The following ZIC1 variants were observed in gnomAD, a reference collection of about 807,000 sequenced individuals.
ZIC1 encodes zinc finger protein ZIC 1.
A neutral mutation model predicts 30.9 loss-of-function variants in ZIC1; 4 were observed. That is an observed-to-expected ratio of 0.13 (90% CI 0.06 to 0.30). The LOEUF is 0.30. ZIC1 is among the 10% of genes least tolerant of loss of function. The pLI is 1.00. For synonymous variants in ZIC1, 305 were observed against 277.5 expected (o/e 1.10, Z -0.98); for missense variants, 441 against 639.3 (o/e 0.69, Z 3.34).
In ZIC1 at chr3:147,410,011, CTTCCTCCTCCTCTTG is replaced by C. The variant is rs992748146; in HGVS notation, c.-89_-75del. On this transcript the variant is annotated 5_prime_UTR_variant, in exon 1 of 3. Coordinates refer to ENST00000282928, the MANE Select transcript of ZIC1 (RefSeq NM_003412.4). ...CCTCCCTCCTCCTCTTCTTCCTCCT[CTTCCTCCTCCTCTTG>C]TTCCTCCTCCTCCTCCCGATTTTCC... 1.4e-4 allele frequency: 181 copies of C among 1,276,890 alleles called. No individual in the cohort carries two copies. Among genetic ancestry groups the C allele is most frequent in the Non-Finnish European group, 1.8e-4 (172 of 967,680 alleles). 79.1% of individuals were successfully genotyped at this position (1,276,890 alleles called of 1,614,324 possible).
At position 147,414,916 on chromosome 3, in the gene ZIC1, A is replaced by G. The variant is rs772576101; in HGVS notation, c.*1365A>G. 6.6e-6 allele frequency: 1 copy of G among 152,664 alleles called. No homozygotes were observed. The highest frequency in any genetic ancestry group is 2.4e-5 in the African/African-American group (1 of 41,460). 9.5% of individuals were successfully genotyped at this position (152,664 alleles called of 1,614,324 possible). Reference sequence around the variant, plus strand: ...GCTCGCTCTGCAACATTGCAAATGAACTTGCAGCCGAGGGTTCCGCTGCCC... The same window carrying G: ...GCTCGCTCTGCAACATTGCAAATGAGCTTGCAGCCGAGGGTTCCGCTGCCC... On this transcript the variant is annotated 3_prime_UTR_variant, in exon 3 of 3. Transcript: ENST00000282928.
chr3:147,413,973 T>C lies in ZIC1; in HGVS notation c.*422T>C, dbSNP rs1349350323. 1 of 131,102 alleles carries C rather than the reference T, an allele frequency of 7.6e-6. No individual in the cohort carries two copies. Among genetic ancestry groups the C allele is most frequent in the African/African-American group, 2.9e-5 (1 of 34,790 alleles). 8.1% of individuals were successfully genotyped at this position (131,102 alleles called of 1,614,324 possible). A position where few individuals can be genotyped will look rare whatever the true frequency, so the allele number is the denominator to read the frequency against. ...ATTCTGTAAATAGTTATATCTCGGTTGGAGCGGGTGGGTGGGATTGTGGCG... is the reference window on the plus strand; with the variant it reads ...ATTCTGTAAATAGTTATATCTCGGTCGGAGCGGGTGGGTGGGATTGTGGCG... On this transcript the variant is annotated 3_prime_UTR_variant, in exon 3 of 3. Coordinates refer to ENST00000282928, the MANE Select transcript of ZIC1 (RefSeq NM_003412.4).
chr3:147,412,775 G>C, intron 2 of ZIC1, 94 bp downstream of exon 2: 3 of 1,476,844 alleles, frequency 2.0e-6, no homozygotes, highest in Non-Finnish European at 2.8e-6. Context: ...GGCGGTGGCG[G>C]GAGCCAGAGG....
In ZIC1 at chr3:147,413,602, A is replaced by T; in HGVS notation, c.*51A>T. On this transcript the variant is annotated 3_prime_UTR_variant, in exon 3 of 3. Coordinates refer to ENST00000282928, the MANE Select transcript of ZIC1 (RefSeq NM_003412.4). ...ACCCTATTTAAGAGACTGATCACAC[A>T]CGTATACACAACATTACTGAAAGAA... The T allele has an allele frequency of 1.3e-6, 2 of 1,588,536 alleles. No homozygotes were observed. Among genetic ancestry groups the T allele is most frequent in the Non-Finnish European group, 1.7e-6 (2 of 1,162,224 alleles).
At chr3:147,412,739 T>G in intron 2 of ZIC1, 58 bp downstream of exon 2, 1 of 1,575,066 alleles carries the variant, frequency 6.3e-7, no homozygotes, top group Non-Finnish European at 8.6e-7. Context: ...GCTCTCGGCT[T>G]GGGGTCGGGC....
intron 1 of ZIC1, 105 bp downstream of exon 1, chr3:147,411,199 G>T: frequency 6.8e-7 from 1 of 1,474,174 alleles, no homozygotes. Context: ...TGGGATCCCG[G>T]GCGTCAGGTT....
chr3:147,412,255 A>G (rs1293334473), intron 1 of ZIC1, among the ~76,000 whole-genome samples: 1 of 152,096 alleles, frequency 6.6e-6, no homozygotes. Flanking sequence ...GATGCTAAAA[A>G]CCGACTCCTC....
rs542658760 is a variant in ZIC1 at position 147,414,462 on chromosome 3, C to G, written c.*911C>G. ...GTAAAGGGCCGGTTTATCCATGTTA[C>G]AGCTCTTCAATATTTATGGCTAGAA... is the stretch of plus-strand genomic sequence containing the variant. On this transcript the variant is annotated 3_prime_UTR_variant, in exon 3 of 3. Transcript: ENST00000282928. 4.6e-5 allele frequency: 7 copies of G among 152,766 alleles called. No homozygotes were observed. The highest frequency in any genetic ancestry group is 1.7e-4 in the African/African-American group (7 of 41,568). The allele number at this position is 152,766 out of a possible 1,614,324, so 9.5% of individuals were successfully genotyped here. A position where few individuals can be genotyped will look rare whatever the true frequency, so the allele number is the denominator to read the frequency against.
At position 147,416,550 on chromosome 3, in the gene ZIC1, A is replaced by C. The variant is rs2087436588; in HGVS notation, c.*2999A>C. The C allele has an allele frequency of 6.6e-6, 1 of 152,196 alleles. No homozygotes were observed. The highest frequency in any genetic ancestry group is 2.4e-5 in the African/African-American group (1 of 41,442). 9.4% of individuals were successfully genotyped at this position (152,196 alleles called of 1,614,324 possible). Reference sequence around the variant, plus strand: ...GATTTAAGTAGGATATTTTAAAGATAAATTTTAGGGGTAAATGTTTACTTC... The same window carrying C: ...GATTTAAGTAGGATATTTTAAAGATCAATTTTAGGGGTAAATGTTTACTTC... On this transcript the variant is annotated 3_prime_UTR_variant, in exon 3 of 3. Coordinates refer to ENST00000282928, the MANE Select transcript of ZIC1 (RefSeq NM_003412.4).
rs1198558691 is a variant in ZIC1 at position 147,415,549 on chromosome 3, C to T, written c.*1998C>T. 1 of 152,646 alleles carries T rather than the reference C, an allele frequency of 6.6e-6. No homozygotes were observed. The highest frequency in any genetic ancestry group is 1.5e-5 in the Non-Finnish European group (1 of 68,054). The allele number at this position is 152,646 out of a possible 1,614,324, so 9.5% of individuals were successfully genotyped here. On this transcript the variant is annotated 3_prime_UTR_variant, in exon 3 of 3. Transcript: ENST00000282928. ...TTAGGCAGACAACGTAGCCGGAGAT[C>T]ACAAATCAGGCCCTTGGCTGTAGTT...
intron 1 of ZIC1, among the ~76,000 whole-genome samples, chr3:147,411,838 A>G (rs1413094633): frequency 6.6e-6 from 1 of 152,106 alleles, no homozygotes; most frequent in Non-Finnish European, 1.5e-5. Context: ...TAAAAAAAAA[A>G]AAAGTTCCCA....
chr3:147,413,650 C>A lies in ZIC1; in HGVS notation c.*99C>A. 1.5e-6 allele frequency: 2 copies of A among 1,356,432 alleles called. No homozygotes were observed. Among genetic ancestry groups the A allele is most frequent in the Middle Eastern group, 3.8e-4 (2 of 5,268 alleles). The allele number at this position is 1,356,432 out of a possible 1,614,324, so 84.0% of individuals were successfully genotyped here. A position where few individuals can be genotyped will look rare whatever the true frequency, so the allele number is the denominator to read the frequency against. ...GAACCCTGCGAATCAAAACAACCCC[C>A]ACACAGACCCCGCAATCCTTTTTTA... On this transcript the variant is annotated 3_prime_UTR_variant, in exon 3 of 3. Coordinates refer to ENST00000282928, the MANE Select transcript of ZIC1 (RefSeq NM_003412.4).
At chr3:147,412,805 C>A in intron 2 of ZIC1, 124 bp downstream of exon 2, 2 of 1,247,302 alleles carry the variant, frequency 1.6e-6, no homozygotes, top group African/African-American at 1.5e-5. Flanking sequence ...GGCAAAGGTT[C>A]CACTCAGTGG....
rs1235337455 is a variant in ZIC1, at chr3:147,415,983, A to AT, written c.*2434dup. ...TAACTTTTTAAAAAATGTTATTCTG[A>AT]TTATAACAATAATATTGGCTTTTTT... On this transcript the variant is annotated 3_prime_UTR_variant, in exon 3 of 3. Transcript: ENST00000282928. 1 of 152,200 alleles carries AT rather than the reference A, an allele frequency of 6.6e-6. No homozygotes were observed. The highest frequency in any genetic ancestry group is 1.5e-5 in the Non-Finnish European group (1 of 68,034). 9.4% of individuals were successfully genotyped at this position (152,200 alleles called of 1,614,324 possible). A position where few individuals can be genotyped will look rare whatever the true frequency, so the allele number is the denominator to read the frequency against.
rs955071346 is a variant in ZIC1, at chr3:147,412,459, G to T, written c.983-59G>T. 4 of 1,589,656 alleles carry T rather than the reference G, an allele frequency of 2.5e-6. No individual in the cohort carries two copies. The African/African-American group carries it at 5.5e-5, about 22-fold the overall frequency. Reference sequence around the variant, plus strand: ...TTTTTTTTCTATTTGTTTAGTTTTTGAAAAACGGCCGCGGTATTTTTTTCT... The same window carrying T: ...TTTTTTTTCTATTTGTTTAGTTTTTTAAAAACGGCCGCGGTATTTTTTTCT... On this transcript the variant is annotated intron_variant, in intron 1 of 2. Transcript: ENST00000282928.
chr3:147,412,181 C>T (rs996620428), intron 1 of ZIC1, among the ~76,000 whole-genome samples: 1 of 152,096 alleles, frequency 6.6e-6, no homozygotes, highest in African/African-American at 2.4e-5. Context: ...AACTAGAAAC[C>T]AGGAGCCAGG....
chr3:147,410,508 C>A lies in ZIC1; in HGVS notation c.396C>A (p.His132Gln), dbSNP rs1202675506. The A allele has an allele frequency of 1.2e-6, 2 of 1,608,018 alleles. No homozygotes were observed. Among genetic ancestry groups the A allele is most frequent in the Non-Finnish European group, 1.7e-6 (2 of 1,179,018 alleles). ...AASAGGFGGP[H>Q]GHTDAAGHLL... ...CGGCCGGGGGCTTCGGGGGCCCACA[C>A]GGCCACACGGACGCCGCGGGCCACC... The change falls in exon 1 of 3, where the codon CAC becomes CAA. Residue 132 changes from histidine (H) to glutamine (Q), a missense_variant. Coordinates refer to ENST00000282928, the MANE Select transcript of ZIC1 (RefSeq NM_003412.4).
rs2087391713 is a variant in ZIC1, at chr3:147,412,699, G to A, written c.1146+18G>A. The A allele has an allele frequency of 1.2e-6, 2 of 1,600,848 alleles. No individual in the cohort carries two copies. The highest frequency in any genetic ancestry group is 4.5e-5 in the East Asian group (2 of 44,488). ...ACATGAAGGTAATCGCCGCACTCTC[G>A]TCGCCCCCTTTGAGGCAGGAGCTCT... On this transcript the variant is annotated intron_variant, in intron 2 of 2. Coordinates refer to ENST00000282928, the MANE Select transcript of ZIC1 (RefSeq NM_003412.4).
At position 147,414,494 on chromosome 3, in the gene ZIC1, G is replaced by A. The variant is rs1340569272; in HGVS notation, c.*943G>A. 2.0e-5 allele frequency: 3 copies of A among 152,528 alleles called. No individual in the cohort carries two copies. The highest frequency in any genetic ancestry group is 7.2e-5 in the African/African-American group (3 of 41,410). 9.4% of individuals were successfully genotyped at this position (152,528 alleles called of 1,614,324 possible). A position where few individuals can be genotyped will look rare whatever the true frequency, so the allele number is the denominator to read the frequency against. ...TCAATATTTATGGCTAGAAGAACTC[G>A]TATGTACACTTTAGTTTCCAGAACT... On this transcript the variant is annotated 3_prime_UTR_variant, in exon 3 of 3. Coordinates refer to ENST00000282928, the MANE Select transcript of ZIC1 (RefSeq NM_003412.4).
Sources: allele counts gnomAD v4.1 joint callset (sites outside exome capture counted in the v4.1 genomes callset), GRCh38; gene constraint gnomAD v4.1.1; transcripts MANE v1.5; gene names NCBI Gene and HGNC (gene_info 2026-07-23, HGNC 2026-07-21).